ADGRE2: variants seen among roughly 807,000 people sequenced by gnomAD.
The protein encoded by ADGRE2 is adhesion G protein-coupled receptor E2.
ADGRE2 carries 83 observed loss-of-function variants against 100.8 expected under a neutral mutation model. The observed-to-expected ratio is 0.82, with a 90% CI of 0.69 to 0.99. The LOEUF is 0.99. Ranked by LOEUF, ADGRE2 falls within the 50% of genes least tolerant of loss-of-function variation. ADGRE2 has a pLI of 0.00. For missense variants in ADGRE2, 814 were observed against 1,035.7 expected, an observed-to-expected ratio of 0.79 and a Z score of 2.94; for synonymous variants, 355 against 413.0, an observed-to-expected ratio of 0.86 and a Z score of 1.70.
intron 20 of ADGRE2, among the ~76,000 whole-genome samples, chr19:14,736,812 AT>A (rs1170504888): frequency 2.1e-5 from 3 of 145,738 alleles, no homozygotes. Flanking sequence ...ATATATAGAT[AT>A]TTAGAAATAT....
chr19:14,777,780 T>A (rs2044490435), intron 1 of ADGRE2, among the ~76,000 whole-genome samples: 1 of 152,004 alleles, frequency 6.6e-6, no homozygotes, highest in Admixed American at 6.6e-5. Flanking sequence ...TTGCTGAGAA[T>A]GATGGTTTTC....
chr19:14,752,474 A>G lies in ADGRE2; in HGVS notation c.1643T>C (p.Leu548Pro). 2 of 1,614,188 alleles carry G rather than the reference A, an allele frequency of 1.2e-6. No homozygotes were observed. Among genetic ancestry groups the G allele is most frequent in the Non-Finnish European group, 8.5e-7 (1 of 1,180,032 alleles). ...VITYMGLSVS[L>P]LCLLLAALTF... is the part of the protein sequence containing the mutation. ...GAGGGCCGCCAGGAGGAGGCACAGC[A>G]GAGAGACGCTCAGCCCCATGTAGGT... The change falls in exon 15 of 21, where the codon CTG (leucine) becomes CCG (proline). Residue 548 changes from leucine to proline, a missense_variant. By Grantham distance (98) the Leu-to-Pro change is moderately conservative. This residue lies in a region of ADGRE2 where 569 missense variants were observed against 692.7 expected (regional missense o/e 0.82). Transcript: ENST00000315576.
chr19:14,748,438 A>G (rs1283230954), intron 16 of ADGRE2, among the ~76,000 whole-genome samples: 1 of 152,090 alleles, frequency 6.6e-6, no homozygotes. Context: ...CCTCCCAAGT[A>G]GCTGGGATTA....
At chr19:14,775,853 C>T (rs1216393260) in intron 2 of ADGRE2, among the ~76,000 whole-genome samples, 4 of 117,504 alleles carry the variant, frequency 3.4e-5, no homozygotes, top group Non-Finnish European at 6.9e-5. Context: ...AGCAAGGCTC[C>T]GCCTCAGAAA....
At chr19:14,739,761 G>A (rs2042870944) in intron 20 of ADGRE2, among the ~76,000 whole-genome samples, 1 of 152,184 alleles carries the variant, frequency 6.6e-6, no homozygotes. Context: ...TGAACCCAAT[G>A]TAATCATCAA....
Position 14,746,950 on chromosome 19 carries a change from T to C in ADGRE2, c.2037A>G (p.Gln679=), listed in dbSNP as rs370665322. 2 of 1,612,764 alleles carry C rather than the reference T, an allele frequency of 1.2e-6. No individual in the cohort carries two copies. Among genetic ancestry groups the C allele is most frequent in the Admixed American group, 1.7e-5 (1 of 59,756 alleles). Residue 679 remains glutamine (Q), a synonymous_variant, in exon 17 of 21, where the codon CAA becomes CAG. Coordinates refer to ENST00000315576, the MANE Select transcript of ADGRE2 (RefSeq NM_013447.4). ...LYGTPSRCWL[Q]PEKGFIWGFL... is the part of the protein sequence containing the mutation. ...AGCCCCATATAAATCCCTTTTCTGG[T>C]TGGAGCCAGCAGCTGAAAAAAGAGA...
the ADGRE2 span, among the ~76,000 whole-genome samples, chr19:14,725,924 A>C: frequency 6.6e-6 from 1 of 152,204 alleles, no homozygotes; most frequent in Non-Finnish European, 1.5e-5. Flanking sequence ...TCCACTAGGC[A>C]GTGCCCTGGT....
intron 16 of ADGRE2, among the ~76,000 whole-genome samples, chr19:14,750,285 T>G (rs10405977): frequency 0.17 from 13,699 of 78,694 alleles, 4,219 homozygotes; most frequent in African/African-American, 0.52. Context: ...TATGATTATC[T>G]AATTATGTGA....
rs748150191 is a variant in ADGRE2 at position 14,764,566 on chromosome 19, G to A, written c.951C>T (p.Asp317=). The A allele has an allele frequency of 6.2e-7, 1 of 1,612,796 alleles. No homozygotes were observed. The highest frequency in any genetic ancestry group is 1.1e-5 in the South Asian group (1 of 91,074). ...GCTGTAAGCGGGGCAGGGTCTCCAGGTCCCCAGGGGCCTCCAGCAGCTCAT... is the reference window on the plus strand; with the variant it reads ...GCTGTAAGCGGGGCAGGGTCTCCAGATCCCCAGGGGCCTCCAGCAGCTCAT... ...ALDELLEAPG[D]LETLPRLQQH... Residue 317 remains aspartate (D), a synonymous_variant, in exon 11 of 21, where the codon GAC becomes GAT. Coordinates refer to ENST00000315576, the MANE Select transcript of ADGRE2 (RefSeq NM_013447.4).
At chr19:14,761,117 T>G (rs957839412) in intron 11 of ADGRE2, among the ~76,000 whole-genome samples, 9 of 152,060 alleles carry the variant, frequency 5.9e-5, no homozygotes, top group African/African-American at 1.9e-4. Context: ...AAAACCAAGT[T>G]GCGGGGGCAG....
chr19:14,751,933 T>A (rs78668036), intron 15 of ADGRE2, among the ~76,000 whole-genome samples: 2,271 of 50,838 alleles, frequency 0.045, 28 homozygotes, highest in Admixed American at 0.12. Flanking sequence ...ATATATATAT[T>A]TTTTTTTTTT....
At chr19:14,751,955 C>T (rs1432956756) in intron 15 of ADGRE2, among the ~76,000 whole-genome samples, 4 of 136,500 alleles carry the variant, frequency 2.9e-5, no homozygotes, top group South Asian at 2.2e-4. Context: ...TTTTTTGAGA[C>T]GGAATTTCAC....
chr19:14,748,925 G>A (rs1299034648), intron 16 of ADGRE2, among the ~76,000 whole-genome samples: 5 of 151,898 alleles, frequency 3.3e-5, no homozygotes, highest in Non-Finnish European at 5.9e-5. Context: ...CATATTAAAA[G>A]GATTATATAC....
At chr19:14,772,766 C>G (rs1347802517) in intron 4 of ADGRE2, among the ~76,000 whole-genome samples, 1 of 150,488 alleles carries the variant, frequency 6.6e-6, no homozygotes, top group Non-Finnish European at 1.5e-5. Flanking sequence ...TCCCCATCCC[C>G]AGTCTTTTTG....
At chr19:14,769,119 G>T (rs1277012121) in intron 5 of ADGRE2, among the ~76,000 whole-genome samples, 1 of 152,172 alleles carries the variant, frequency 6.6e-6, no homozygotes, top group East Asian at 1.9e-4. Context: ...GTCGGACATG[G>T]TGGCTCACGC....
chr19:14,754,108 G>A (rs2043395819), intron 14 of ADGRE2, among the ~76,000 whole-genome samples: 1 of 149,634 alleles, frequency 6.7e-6, no homozygotes, highest in Admixed American at 6.7e-5. Context: ...GACTGGCCTA[G>A]CCTCCCAGCC....
Position 14,751,616 on chromosome 19 carries a change from G to A in ADGRE2, c.1844C>T (p.Thr615Ile). The A allele has an allele frequency of 6.2e-7, 1 of 1,614,030 alleles. No individual in the cohort carries two copies. Among genetic ancestry groups the A allele is most frequent in the South Asian group, 1.1e-5 (1 of 91,068 alleles). Reference sequence around the variant, plus strand: ...GTACAGGGCCTCCAGCAGCATCCAGGTCAAGGTGGCCAGGTAGAGATAGTG... The same window carrying A: ...GTACAGGGCCTCCAGCAGCATCCAGATCAAGGTGGCCAGGTAGAGATAGTG... ...TLHYLYLATL[T>I]WMLLEALYLF... The change falls in exon 16 of 21, where the codon ACC (threonine) becomes ATC (isoleucine). Residue 615 changes from threonine to isoleucine, a missense_variant. Thr to Ile is a moderately conservative substitution (Grantham distance 89, BLOSUM62 -1). Around this residue, in one of 5 missense-constraint regions of ADGRE2, gnomAD observed 569 missense variants for 692.7 expected, o/e 0.82. Transcript: ENST00000315576.
At chr19:14,740,393 G>A (rs1325881368) in intron 20 of ADGRE2, among the ~76,000 whole-genome samples, 7 of 151,946 alleles carry the variant, frequency 4.6e-5, no homozygotes, top group South Asian at 4.2e-4. Flanking sequence ...AGGCTGAGGC[G>A]GGCAGATCAC....
downstream of ADGRE2, among the ~76,000 whole-genome samples, chr19:14,730,974 A>G (rs2042666395): frequency 6.6e-6 from 1 of 151,998 alleles, no homozygotes; most frequent in Non-Finnish European, 1.5e-5. Flanking sequence ...GCTGCAAAAC[A>G]CACCACCATC....
Sources: gnomAD v4.1 joint callset for allele counts (sites outside exome capture counted in the v4.1 genomes callset) on GRCh38, gnomAD v4.1.1 for gene constraint, gnomAD v4.1.1 regional missense constraint, MANE v1.5 for transcripts, NCBI Gene and HGNC (gene_info 2026-07-23, HGNC 2026-07-21) for gene names.